GRAMD1B: variants seen among roughly 807,000 people sequenced by gnomAD.
GRAMD1B encodes GRAM domain containing 1B.
A neutral mutation model predicts 99.7 loss-of-function variants in GRAMD1B; 37 were observed. That is an observed-to-expected ratio of 0.37 (90% CI 0.29 to 0.49). The LOEUF is 0.49. Ranked by LOEUF, GRAMD1B falls within the 20% of genes least tolerant of loss-of-function variation. GRAMD1B has a pLI of 0.98. For synonymous variants in GRAMD1B, 427 were observed against 387.6 expected, an observed-to-expected ratio of 1.10 and a Z score of -1.19; for missense variants, 888 against 1,009.2, an observed-to-expected ratio of 0.88 and a Z score of 1.63.
chr11:123,622,539 A>G lies in GRAMD1B; in HGVS notation c.2578A>G (p.Ile860Val). 6.4e-7 allele frequency: 1 copy of G among 1,558,808 alleles called. No individual in the cohort carries two copies. Among genetic ancestry groups the G allele is most frequent in the Non-Finnish European group, 8.7e-7 (1 of 1,151,262 alleles). Residue 860 changes from isoleucine to valine, a missense_variant, in exon 20 of 20, where the codon ATC (isoleucine) becomes GTC (valine). This residue lies in a region of GRAMD1B where 232 missense variants were observed against 261.7 expected (regional missense o/e 0.89). Transcript: ENST00000635736. ...KDSLINLQNGIRSRDYTSESE... is the reference protein window; with the variant it reads ...KDSLINLQNGVRSRDYTSESE... ...CTCGCTCATCAACCTTCAGAACGGCATCAGGTCCCGCGACTACACGTCGGA... is the reference window on the plus strand; with the variant it reads ...CTCGCTCATCAACCTTCAGAACGGCGTCAGGTCCCGCGACTACACGTCGGA...
intron 2 of GRAMD1B, among the ~76,000 whole-genome samples, chr11:123,565,733 A>C (rs565603257): frequency 7.2e-5 from 11 of 152,276 alleles, no homozygotes; most frequent in African/African-American, 2.2e-4. Context: ...GGGAGGATGG[A>C]TTACATGACC....
At chr11:123,416,096 A>T (rs1482952114) in intron 1 of GRAMD1B, among the ~76,000 whole-genome samples, 1 of 152,206 alleles carries the variant, frequency 6.6e-6, no homozygotes, top group African/African-American at 2.4e-5. Flanking sequence ...CTTAATACAA[A>T]ACCTAGCATG....
intron 1 of GRAMD1B, among the ~76,000 whole-genome samples, chr11:123,478,085 C>G (rs952770590): frequency 6.6e-6 from 1 of 152,208 alleles, no homozygotes; most frequent in Non-Finnish European, 1.5e-5. Context: ...AACCACCACA[C>G]CCAGCCTCTT....
chr11:123,516,131 C>T (rs77645259), intron 2 of GRAMD1B, among the ~76,000 whole-genome samples: 251 of 152,286 alleles, frequency 1.6e-3, no homozygotes, highest in Non-Finnish European at 3.1e-3. Context: ...ATTACCAATC[C>T]ATGTAAAAAC....
chr11:123,537,749 T>C (rs1281341586), intron 2 of GRAMD1B, among the ~76,000 whole-genome samples: 2 of 152,222 alleles, frequency 1.3e-5, no homozygotes, highest in Admixed American at 6.5e-5. Flanking sequence ...CATTTAGCGA[T>C]TGAGCTTTCC....
rs1565484164 is a variant in GRAMD1B, at chr11:123,623,020, T to G, written c.*425T>G. 6.6e-6 allele frequency: 1 copy of G among 152,224 alleles called. No individual in the cohort carries two copies. The highest frequency in any genetic ancestry group is 1.5e-5 in the Non-Finnish European group (1 of 68,064). 9.4% of individuals were successfully genotyped at this position (152,224 alleles called of 1,614,324 possible). ...CTTCATTCCCTAATCCCCTTTTGAT[T>G]TGTTTCCAAAATAAAAGAGAATCTT... On this transcript the variant is annotated 3_prime_UTR_variant, in exon 20 of 20. Coordinates refer to ENST00000635736, the MANE Select transcript of GRAMD1B (RefSeq NM_001387025.1).
intron 1 of GRAMD1B, among the ~76,000 whole-genome samples, chr11:123,415,164 G>A (rs1235107595): frequency 1.6e-4 from 21 of 134,448 alleles, no homozygotes; most frequent in African/African-American, 4.6e-4. Flanking sequence ...GTGCAGTGGC[G>A]CGATCTTGGA....
chr11:123,548,325 T>TATACACACACACACACACACACAC (rs1555067740), intron 2 of GRAMD1B, among the ~76,000 whole-genome samples: 3 of 86,900 alleles, frequency 3.5e-5, no homozygotes, highest in Admixed American at 1.3e-4. Context: ...TATATATATA[T>TATACACACACACACACACACACAC]ACACACACAC....
intron 2 of GRAMD1B, among the ~76,000 whole-genome samples, chr11:123,504,608 AGCTTCTCTCCATCC>A (rs1327871217): frequency 3.3e-5 from 5 of 152,264 alleles, no homozygotes; most frequent in Non-Finnish European, 5.9e-5. Context: ...TGTGCCAGGC[AGCTTCTCTCCATCC>A]ACAGCTCCTC....
At chr11:123,468,275 T>A (rs1377648768) in intron 1 of GRAMD1B, among the ~76,000 whole-genome samples, 1 of 150,656 alleles carries the variant, frequency 6.6e-6, no homozygotes, top group Non-Finnish European at 1.5e-5. Flanking sequence ...CAGTGAGTAC[T>A]CAGTGGAAGT....
chr11:123,431,626 A>G (rs1193110660), intron 1 of GRAMD1B, among the ~76,000 whole-genome samples: 1 of 152,184 alleles, frequency 6.6e-6, no homozygotes, highest in Non-Finnish European at 1.5e-5. Flanking sequence ...TAAGTGGTTT[A>G]TATTTCAGGA....
chr11:123,445,905 T>A lies in GRAMD1B; in HGVS notation c.374+14739T>A, dbSNP rs369247300. Among the ~76,000 whole-genome samples, 214 of 152,068 alleles carry A rather than the reference T, an allele frequency of 1.4e-3. 3 individuals carry two copies. The South Asian group carries it at 0.044, about 31-fold the overall frequency. ...TTGCACTGTCTTTCTTGGTTATATC[T>A]TTTTATGTTTTCAAGACATACTATT... On this transcript the variant is annotated intron_variant, in intron 1 of 19. Coordinates refer to ENST00000635736, the MANE Select transcript of GRAMD1B (RefSeq NM_001387025.1).
upstream of GRAMD1B, among the ~76,000 whole-genome samples, chr11:123,427,499 T>A (rs957386553): frequency 6.6e-5 from 10 of 152,198 alleles, no homozygotes; most frequent in African/African-American, 2.4e-4. Flanking sequence ...AGAAACTTGA[T>A]TCTTTTCTCA....
intron 3 of GRAMD1B, among the ~76,000 whole-genome samples, chr11:123,582,871 G>A (rs911828871): frequency 1.3e-5 from 2 of 152,254 alleles, no homozygotes; most frequent in African/African-American, 4.8e-5. Flanking sequence ...ACCAGGTGGA[G>A]GGGATCCAGA....
rs779709381 is a variant in GRAMD1B, at chr11:123,513,578, T to TTTCCTTCCTTCCTTCCTTCCTTCCTTCC, written c.452+32700_452+32727dup. Among the ~76,000 whole-genome samples the TTTCCTTCCTTCCTTCCTTCCTTCCTTCC allele has an allele frequency of 7.2e-5, 3 of 41,692 alleles. No individual in the cohort carries two copies. In the South Asian group the frequency reaches 3.5e-3, roughly 48 times the overall value. The allele number at this position is 41,692 out of a possible 152,430, so 27.4% of individuals were successfully genotyped here. On this transcript the variant is annotated intron_variant, in intron 2 of 19. Coordinates refer to ENST00000635736, the MANE Select transcript of GRAMD1B (RefSeq NM_001387025.1). ...TTTCCTTCCTTCCTTCCTTCCTTCCTTTCCTTCCTTCCTTCCTTCCTTCCT... is the reference window on the plus strand; with the variant it reads ...TTTCCTTCCTTCCTTCCTTCCTTCCTTTCCTTCCTTCCTTCCTTCCTTCCTTCCTTCCTTCCTTCCTTCCTTCCTTCCT...
intron 1 of GRAMD1B, among the ~76,000 whole-genome samples, chr11:123,378,821 T>C (rs1946776915): frequency 6.6e-6 from 1 of 152,244 alleles, no homozygotes; most frequent in Non-Finnish European, 1.5e-5. Context: ...GTATTTATTT[T>C]ATTTTCATTA....
intron 1 of GRAMD1B, among the ~76,000 whole-genome samples, chr11:123,448,656 C>T (rs12292072): frequency 0.031 from 4,687 of 152,340 alleles, 144 homozygotes; most frequent in African/African-American, 0.075. Flanking sequence ...TGGGCAGTTC[C>T]ACTGCGATGT....
rs1955278058 is a variant in GRAMD1B, at chr11:123,622,681, TAC to T, written c.*88_*89del. The T allele has an allele frequency of 3.3e-6, 1 of 307,210 alleles. No individual in the cohort carries two copies. The allele number at this position is 307,210 out of a possible 1,614,324, so 19.0% of individuals were successfully genotyped here. A position where few individuals can be genotyped will look rare whatever the true frequency, so the allele number is the denominator to read the frequency against. On this transcript the variant is annotated 3_prime_UTR_variant, in exon 20 of 20. Transcript: ENST00000635736. Reference sequence around the variant, plus strand: ...ATATATATATATAAATATATATATATACAGAATATAAATATATATATTATATA... The same window carrying T: ...ATATATATATATAAATATATATATATAGAATATAAATATATATATTATATA...
intron 3 of GRAMD1B, 42 bp from the exon 4 acceptor site, chr11:123,584,270 T>C (rs58457879): frequency 0.36 from 374,350 of 1,034,506 alleles, 62,671 homozygotes; most frequent in East Asian, 0.56. Flanking sequence ...CCCCATTTCT[T>C]CCCTGACTAA....
Sources: allele counts gnomAD v4.1 joint callset (sites outside exome capture counted in the v4.1 genomes callset), GRCh38; gene constraint gnomAD v4.1.1; regional missense constraint gnomAD v4.1.1; transcripts MANE v1.5; gene names NCBI Gene and HGNC (gene_info 2026-07-23, HGNC 2026-07-21).